ZNF469: variants seen among roughly 807,000 people sequenced by gnomAD.
ZNF469 encodes the protein zinc finger protein 469.
ZNF469 carries 1 observed loss-of-function variant against 1.0 expected under a neutral mutation model. The observed-to-expected ratio is 1.00, with a 90% CI of 0.35 to 4.73. ZNF469 has a LOEUF of 4.73. Ranked by LOEUF, ZNF469 falls within the 30% of genes most tolerant of loss-of-function variation. ZNF469 has a pLI of 0.16. For missense variants in ZNF469, 6,100 were observed against 5,356.3 expected (o/e 1.14, Z -4.33); for synonymous variants, 2,703 against 2,363.4 (o/e 1.14, Z -4.17).
the ZNF469 span, among the ~76,000 whole-genome samples, chr16:88,110,893 G>A: frequency 5.3e-5 from 8 of 152,264 alleles, no homozygotes; most frequent in Non-Finnish European, 7.3e-5. Context: ...GCTCTGTGGG[G>A]CCTCGGGACA....
At chr16:88,216,704 C>G in the ZNF469 span, among the ~76,000 whole-genome samples, 262 of 152,282 alleles carry the variant, frequency 1.7e-3, no homozygotes, top group African/African-American at 6.1e-3. Flanking sequence ...GTTTTGGAAG[C>G]TATCCTTTCA....
the ZNF469 span, among the ~76,000 whole-genome samples, chr16:88,169,092 A>G: frequency 1.3e-5 from 2 of 151,966 alleles, no homozygotes; most frequent in African/African-American, 2.4e-5. The surrounding 1 kb of genome is among the most constrained non-coding windows in gnomAD (Gnocchi z 6.1). Context: ...ACAGGCCGGA[A>G]GTGTGTGCAG....
the ZNF469 span, among the ~76,000 whole-genome samples, chr16:88,216,725 C>A: frequency 6.6e-6 from 1 of 152,132 alleles, no homozygotes; most frequent in Non-Finnish European, 1.5e-5. Context: ...AATATTGCTG[C>A]CTTTTTCATA....
the ZNF469 span, among the ~76,000 whole-genome samples, chr16:88,128,583 G>A: frequency 2.0e-5 from 3 of 152,208 alleles, no homozygotes; most frequent in Non-Finnish European, 4.4e-5. Flanking sequence ...CTTTGTGGGT[G>A]TGAAAGCCCA....
the ZNF469 span, among the ~76,000 whole-genome samples, chr16:88,199,850 G>T: frequency 6.6e-6 from 1 of 152,192 alleles, no homozygotes; most frequent in African/African-American, 2.4e-5. Context: ...CTGGTTTGTT[G>T]TCCCACAGAT....
chr16:88,371,795 G>C, the ZNF469 span, among the ~76,000 whole-genome samples: 1 of 151,732 alleles, frequency 6.6e-6, no homozygotes, highest in African/African-American at 2.4e-5. Context: ...ATACTATTCT[G>C]TGAGATCATC....
upstream of ZNF469, among the ~76,000 whole-genome samples, chr16:88,381,211 C>G (rs1388202191): frequency 1.3e-5 from 2 of 148,362 alleles, no homozygotes; most frequent in African/African-American, 2.5e-5. Context: ...CACAGACACA[C>G]ACACAGACAT....
At chr16:88,331,216 T>TCAC in the ZNF469 span, among the ~76,000 whole-genome samples, 47,559 of 131,506 alleles carry the variant, frequency 0.36, 8,295 homozygotes, top group African/African-American at 0.49. Context: ...ATCACAACCG[T>TCAC]CACCACCACC....
In ZNF469 at chr16:88,433,991, C is replaced by A; in HGVS notation, c.6521C>A (p.Pro2174His). The change falls in exon 3 of 3, where the codon CCT becomes CAT. Residue 2174 changes from proline (P) to histidine (H), a missense_variant. Physicochemically the swap from Pro to His is moderately conservative, Grantham distance 77. Transcript: ENST00000565624. ...CTGGCCTGTTCTCCTGCCTGGGCACCTCTGGAAGAGGCAGATGGCGTCCAA... is the reference window on the plus strand; with the variant it reads ...CTGGCCTGTTCTCCTGCCTGGGCACATCTGGAAGAGGCAGATGGCGTCCAA... ...QLLACSPAWA[P>H]LEEADGVQAT... The A allele has an allele frequency of 6.5e-7, 1 of 1,550,268 alleles. No individual in the cohort carries two copies. Among genetic ancestry groups the A allele is most frequent in the African/African-American group, 1.4e-5 (1 of 73,172 alleles).
the ZNF469 span, among the ~76,000 whole-genome samples, chr16:88,213,809 G>A: frequency 1.3e-5 from 2 of 152,174 alleles, no homozygotes; most frequent in African/African-American, 2.4e-5. Flanking sequence ...CTCCTCTTCT[G>A]TTTTCTGGGT....
chr16:88,336,603 A>G, the ZNF469 span, among the ~76,000 whole-genome samples: 1 of 151,442 alleles, frequency 6.6e-6, no homozygotes, highest in African/African-American at 2.5e-5. Flanking sequence ...AACACCACAC[A>G]TGTTCATCCT....
the ZNF469 span, among the ~76,000 whole-genome samples, chr16:88,210,982 A>G: frequency 6.6e-6 from 1 of 152,268 alleles, no homozygotes; most frequent in Non-Finnish European, 1.5e-5. Flanking sequence ...AGCAGTAGGA[A>G]TTAACTTCAG....
At chr16:88,357,355 C>T in the ZNF469 span, among the ~76,000 whole-genome samples, 1 of 152,232 alleles carries the variant, frequency 6.6e-6, no homozygotes, top group Non-Finnish European at 1.5e-5. Context: ...TAGACACTGC[C>T]CCTAGCCACC....
the ZNF469 span, among the ~76,000 whole-genome samples, chr16:88,233,197 C>T: frequency 3.3e-5 from 5 of 152,184 alleles, no homozygotes; most frequent in African/African-American, 9.7e-5. Context: ...CTGTGGGCAC[C>T]GCGGCAAGCA....
At chr16:88,355,234 T>A in the ZNF469 span, among the ~76,000 whole-genome samples, 1 of 152,162 alleles carries the variant, frequency 6.6e-6, no homozygotes, top group African/African-American at 2.4e-5. Context: ...TGAACACCCA[T>A]GGCTGGAGGT....
At chr16:88,414,362 G>A (rs569066985) in intron 1 of ZNF469, among the ~76,000 whole-genome samples, 1 of 152,252 alleles carries the variant, frequency 6.6e-6, no homozygotes, top group Non-Finnish European at 1.5e-5. Context: ...GTGTGGGGTG[G>A]AGGCATCTGG....
At chr16:88,249,287 C>T in the ZNF469 span, among the ~76,000 whole-genome samples, 1 of 151,400 alleles carries the variant, frequency 6.6e-6, no homozygotes, top group Non-Finnish European at 1.5e-5. Context: ...GAGTGCAGGG[C>T]CACAATCATA....
rs1228396016 is a variant in ZNF469 at position 88,436,785 on chromosome 16, C to G, written c.9315C>G (p.Gly3105=). ...GGGCAGGGAGGGCCCAAGGCAGAGG[C>G]CGGCCGGCCAAGGGCAGGCGGGCCT... The part of the protein sequence containing the change: ...AAGAGRAQGR[G]RPAKGRRASY... Residue 3105 remains glycine, a synonymous_variant, in exon 3 of 3, where the codon GGC becomes GGG. Coordinates refer to ENST00000565624, the MANE Select transcript of ZNF469 (RefSeq NM_001367624.2). 1 of 1,544,974 alleles carries G rather than the reference C, an allele frequency of 6.5e-7. No homozygotes were observed. The highest frequency in any genetic ancestry group is 2.0e-5 in the Admixed American group (1 of 50,932).
the ZNF469 span, among the ~76,000 whole-genome samples, chr16:88,131,618 T>G: frequency 6.6e-6 from 1 of 152,234 alleles, no homozygotes; most frequent in Non-Finnish European, 1.5e-5. Context: ...GAATGCCCCT[T>G]GGGCTTGGGC....
Sources: gnomAD v4.1 joint callset for allele counts (sites outside exome capture counted in the v4.1 genomes callset) on GRCh38, gnomAD v4.1.1 for gene constraint, Gnocchi (gnomAD v3.1) non-coding constraint, MANE v1.5 for transcripts, NCBI Gene and HGNC (gene_info 2026-07-23, HGNC 2026-07-21) for gene names.